LRRFIP2: variants seen among roughly 807,000 people sequenced by gnomAD.
The protein encoded by LRRFIP2 is LRR binding FLII interacting protein 2, also known as leucine-rich repeat flightless-interacting protein 2.
A neutral mutation model predicts 125.9 loss-of-function variants in LRRFIP2; 109 were observed. The ratio of observed to expected loss-of-function variants is 0.87; its 90% CI spans 0.74 to 1.01. LRRFIP2 has a LOEUF of 1.01. Ranked by LOEUF, LRRFIP2 falls within the 50% of genes least tolerant of loss-of-function variation. LRRFIP2 has a pLI of 0.00. For synonymous variants in LRRFIP2, 291 were observed against 293.1 expected (o/e 0.99, Z 0.07); for missense variants, 850 against 862.3 (o/e 0.99, Z 0.18).
At chr3:37,161,811 G>A (rs2096353515) in intron 1 of LRRFIP2, among the ~76,000 whole-genome samples, 4 of 151,264 alleles carry the variant, frequency 2.6e-5, no homozygotes. Flanking sequence ...AAAAAAGAGA[G>A]AGAGGTAGAA....
At chr3:37,164,846 C>T (rs2096436873) in intron 1 of LRRFIP2, among the ~76,000 whole-genome samples, 2 of 152,180 alleles carry the variant, frequency 1.3e-5, no homozygotes, top group South Asian at 4.1e-4. Flanking sequence ...TTACTTCCCC[C>T]ATGAATGTAG....
In LRRFIP2 at chr3:37,126,562, A is replaced by T. The variant is rs1035817284; in HGVS notation, c.228+1068T>A. Among the ~76,000 whole-genome samples the T allele has an allele frequency of 2.7e-4, 41 of 151,976 alleles. 1 individual carries two copies. The highest frequency in any genetic ancestry group is 8.5e-4 in the Admixed American group (13 of 15,252). On this transcript the variant is annotated intron_variant, in intron 4 of 27. Coordinates refer to ENST00000336686, the MANE Select transcript of LRRFIP2 (RefSeq NM_006309.4). ...CTATACAAATTTCACAGAGGTTTAA[A>T]AAAAAAAAAGATTTGGCTGGGCGCG...
intron 1 of LRRFIP2, among the ~76,000 whole-genome samples, chr3:37,163,971 T>C (rs1024942859): frequency 4.6e-5 from 7 of 152,224 alleles, no homozygotes; most frequent in African/African-American, 1.7e-4. Flanking sequence ...AAAACTGTAT[T>C]TTTGTTTTAT....
chr3:37,137,984 C>T (rs1308456299), intron 2 of LRRFIP2, among the ~76,000 whole-genome samples: 1 of 152,164 alleles, frequency 6.6e-6, no homozygotes, highest in African/African-American at 2.4e-5. Flanking sequence ...CCTCTACTTC[C>T]AAATAGGCTC....
chr3:37,086,942 C>T (rs967615797), intron 18 of LRRFIP2, among the ~76,000 whole-genome samples: 28 of 151,794 alleles, frequency 1.8e-4, no homozygotes, highest in Non-Finnish European at 1.9e-4. Flanking sequence ...CTAACTGCAG[C>T]TTCGACCTCC....
At chr3:37,123,781 T>C (rs2095166798) in intron 4 of LRRFIP2, among the ~76,000 whole-genome samples, 2 of 152,142 alleles carry the variant, frequency 1.3e-5, no homozygotes, top group African/African-American at 4.8e-5. Context: ...TTTTTTCCAT[T>C]CCATCTATCA....
rs1270535181 is a variant in LRRFIP2 at position 37,066,357 on chromosome 3, T to C, written c.1465-32A>G. On this transcript the variant is annotated intron_variant, in intron 21 of 27. Coordinates refer to ENST00000336686, the MANE Select transcript of LRRFIP2 (RefSeq NM_006309.4). ...TTAGGTAAGGTAGCAAGGGAAACAA[T>C]GGCACAGAAAAAGAGCAGGTGAAAG... 4.5e-6 allele frequency: 7 copies of C among 1,549,508 alleles called. No homozygotes were observed. The African/African-American group carries it at 5.4e-5, about 12-fold the overall frequency.
chr3:37,109,279 T>C (rs1195382742), intron 11 of LRRFIP2, among the ~76,000 whole-genome samples: 1 of 152,124 alleles, frequency 6.6e-6, no homozygotes, highest in Non-Finnish European at 1.5e-5. Context: ...CAAGCAAATC[T>C]ATCTTCTCTA....
rs868776821 is a variant in LRRFIP2 at position 37,162,181 on chromosome 3, G to A, written c.-56+12358C>T. 2.4e-4 allele frequency among the ~76,000 whole-genome samples: 32 copies of A among 131,254 alleles called. No individual in the cohort carries two copies. The East Asian group carries it at 4.8e-3, about 20-fold the overall frequency. The allele number at this position is 131,254 out of a possible 152,430, so 86.1% of individuals were successfully genotyped here. On this transcript the variant is annotated intron_variant, in intron 1 of 27. Coordinates refer to ENST00000336686, the MANE Select transcript of LRRFIP2 (RefSeq NM_006309.4). ...AAAAAAAAAAAAAAAAAAAAAAGAA[G>A]AGAGAGAGAGAGAAAACAAAAATAA...
chr3:37,101,724 C>T (rs2094067350), intron 15 of LRRFIP2, among the ~76,000 whole-genome samples: 1 of 151,256 alleles, frequency 6.6e-6, no homozygotes, highest in African/African-American at 2.4e-5. Flanking sequence ...CACCTCTCAC[C>T]CCCTCCAAAG....
At chr3:37,109,602 A>G (rs1576746658) in intron 10 of LRRFIP2, 31 bp from the exon 11 acceptor site, 1 of 1,614,112 alleles carries the variant, frequency 6.2e-7, no homozygotes, top group African/African-American at 1.3e-5. Flanking sequence ...TAAACCCCAA[A>G]AAAAGCAACT....
rs1444447814 is a variant in LRRFIP2, at chr3:37,091,475, C to T, written c.1099G>A (p.Glu367Lys). ...AGAATGGGCCCTGATACCTTTAGTT[C>T]TTTAAGCCCCTGCATGTATCTCCCT... ...VEGRYMQGLK[E>K]LKESLSEVEE... Residue 367 changes from glutamate to lysine, a missense_variant, in exon 18 of 28, where the codon GAA (glutamate) becomes AAA (lysine). By Grantham distance (56) the Glu-to-Lys change is moderately conservative (BLOSUM62 1). Coordinates refer to ENST00000336686, the MANE Select transcript of LRRFIP2 (RefSeq NM_006309.4). 1 of 1,611,164 alleles carries T rather than the reference C, an allele frequency of 6.2e-7. No homozygotes were observed.
chr3:37,160,529 CA>C (rs2096308974), intron 1 of LRRFIP2, among the ~76,000 whole-genome samples: 1 of 152,054 alleles, frequency 6.6e-6, no homozygotes, highest in South Asian at 2.1e-4. Context: ...CCTGTAATCC[CA>C]ACACTTTGGG....
chr3:37,078,566 T>A (rs1175955325), intron 19 of LRRFIP2, among the ~76,000 whole-genome samples: 1 of 152,168 alleles, frequency 6.6e-6, no homozygotes, highest in African/African-American at 2.4e-5. Context: ...GTCCTGCATG[T>A]GAACTGGAAC....
chr3:37,110,773 TAAA>T (rs1167272475), intron 9 of LRRFIP2, among the ~76,000 whole-genome samples: 1 of 152,162 alleles, frequency 6.6e-6, no homozygotes, highest in East Asian at 1.9e-4. Flanking sequence ...CATCTTTATT[TAAA>T]AATGTCTTTA....
intron 2 of LRRFIP2, among the ~76,000 whole-genome samples, chr3:37,144,910 T>C (rs569521089): frequency 2.0e-5 from 3 of 152,180 alleles, no homozygotes; most frequent in African/African-American, 2.4e-5. Context: ...AGTAAAACAT[T>C]CAAAGAAAAT....
intron 18 of LRRFIP2, 113 bp downstream of exon 18, chr3:37,091,354 G>A (rs756855188): frequency 1.0e-5 from 7 of 686,788 alleles, no homozygotes; most frequent in Non-Finnish European, 1.7e-5. Flanking sequence ...ATGCTTGAAA[G>A]ACAAACACTG....
At chr3:37,154,093 T>C (rs149393432) in intron 1 of LRRFIP2, among the ~76,000 whole-genome samples, 148 of 151,984 alleles carry the variant, frequency 9.7e-4, no homozygotes, top group African/African-American at 3.3e-3. Context: ...GAGGACTATG[T>C]GAGCCAAGGG....
intron 1 of LRRFIP2, among the ~76,000 whole-genome samples, chr3:37,170,017 A>C (rs1054642399): frequency 6.6e-6 from 1 of 152,216 alleles, no homozygotes; most frequent in Non-Finnish European, 1.5e-5. Flanking sequence ...TAATGGGAAT[A>C]AACTGATAAG....
Sources: gnomAD v4.1 joint callset for allele counts (sites outside exome capture counted in the v4.1 genomes callset) on GRCh38, gnomAD v4.1.1 for gene constraint, MANE v1.5 for transcripts, NCBI Gene and HGNC (gene_info 2026-07-23, HGNC 2026-07-21) for gene names.